Variants in ATXN7L3B observed in about 807,000 individuals in gnomAD.
ATXN7L3B encodes ataxin 7 like 3B, also known as ataxin-7-like protein 3B.
ATXN7L3B carries 4 observed loss-of-function variants against 6.3 expected under a neutral mutation model. The ratio of observed to expected loss-of-function variants is 0.63; its 90% CI spans 0.31 to 1.45. The LOEUF (loss-of-function observed/expected upper bound fraction) is 1.45, where lower values mean the gene tolerates loss of function less well. Among genes scored for constraint, ATXN7L3B ranks in the 40% most tolerant of loss-of-function variants. The probability of loss-of-function intolerance (pLI) is 0.07; values close to 1 mark genes in which losing one functional copy is unlikely to be tolerated. For synonymous variants in ATXN7L3B, 63 were observed against 48.0 expected, an observed-to-expected ratio of 1.31 and a Z score of -1.29; for missense variants, 120 against 118.5, an observed-to-expected ratio of 1.01 and a Z score of -0.06.
Position 74,542,045 on chromosome 12 carries a change from G to T in ATXN7L3B, c.*3639G>T, listed in dbSNP as rs925029033. On this transcript the variant is annotated 3_prime_UTR_variant, in exon 1 of 1. Transcript: ENST00000519948. ...ATGTGTTCTAATTTATTAAAGTTTC[G>T]TATTGGACATAATACTGAGATTAAT... The T allele has an allele frequency of 6.6e-6, 1 of 151,956 alleles. No homozygotes were observed. Among genetic ancestry groups the T allele is most frequent in the Non-Finnish European group, 1.5e-5 (1 of 68,004 alleles). The allele number at this position is 151,956 out of a possible 1,614,324, so 9.4% of individuals were successfully genotyped here. A position where few individuals can be genotyped will look rare whatever the true frequency, so the allele number is the denominator to read the frequency against.
In ATXN7L3B at chr12:74,538,246, A is replaced by C. The variant is rs1405613467; in HGVS notation, c.134A>C (p.Tyr45Ser). 6.3e-7 allele frequency: 1 copy of C among 1,597,710 alleles called. No individual in the cohort carries two copies. Among genetic ancestry groups the C allele is most frequent in the East Asian group, 2.3e-5 (1 of 44,096 alleles). ...GTGCACCGGGCAGTCAAGTGTGGCT[A>C]CTTCTACCTGGAGTTCGCAGAGACT... is the stretch of plus-strand genomic sequence containing the variant. ...FEVHRAVKCG[Y>S]FYLEFAETGS... The change falls in exon 1 of 1, where the codon TAC (tyrosine) becomes TCC (serine). Residue 45 changes from tyrosine to serine, a missense_variant. By Grantham distance (144) the Tyr-to-Ser change is moderately radical. Coordinates refer to ENST00000519948, the MANE Select transcript of ATXN7L3B (RefSeq NM_001136262.2).
chr12:74,542,110 A>G lies in ATXN7L3B; in HGVS notation c.*3704A>G, dbSNP rs1254437573. 3 of 152,320 alleles carry G rather than the reference A, an allele frequency of 2.0e-5. No homozygotes were observed. The highest frequency in any genetic ancestry group is 2.1e-4 in the South Asian group (1 of 4,828). 9.4% of individuals were successfully genotyped at this position (152,320 alleles called of 1,614,324 possible). A position where few individuals can be genotyped will look rare whatever the true frequency, so the allele number is the denominator to read the frequency against. On this transcript the variant is annotated 3_prime_UTR_variant, in exon 1 of 1. Transcript: ENST00000519948. ...TGAGTCCAGAGAAGAATCTGACTCAATAGGATACCTCAGGGAAGCTTATAG... is the reference window on the plus strand; with the variant it reads ...TGAGTCCAGAGAAGAATCTGACTCAGTAGGATACCTCAGGGAAGCTTATAG...
Position 74,541,667 on chromosome 12 carries a change from A to C in ATXN7L3B, c.*3261A>C, listed in dbSNP as rs1411124561. 1 of 152,228 alleles carries C rather than the reference A, an allele frequency of 6.6e-6. No individual in the cohort carries two copies. The highest frequency in any genetic ancestry group is 6.5e-5 in the Admixed American group (1 of 15,286). 9.4% of individuals were successfully genotyped at this position (152,228 alleles called of 1,614,324 possible). ...CCAGTGAAAGAGCCAAACCGTATAC[A>C]ATCATCCCTTTTCCATATGAGGTAA... On this transcript the variant is annotated 3_prime_UTR_variant, in exon 1 of 1. Coordinates refer to ENST00000519948, the MANE Select transcript of ATXN7L3B (RefSeq NM_001136262.2).
rs557303875 is a variant in ATXN7L3B, at chr12:74,539,798, C to G, written c.*1392C>G. On this transcript the variant is annotated 3_prime_UTR_variant, in exon 1 of 1. Transcript: ENST00000519948. The stretch of plus-strand genomic sequence containing the variant: ...ACTACCCTCCACTTTATTCCCTGAG[C>G]GAGGGTTTATGAAGTATAAAGGGGT... The G allele has an allele frequency of 6.0e-6, 1 of 167,062 alleles. No homozygotes were observed. The highest frequency in any genetic ancestry group is 1.5e-5 in the Non-Finnish European group (1 of 68,150). The allele number at this position is 167,062 out of a possible 1,614,324, so 10.3% of individuals were successfully genotyped here.
rs543096638 is a variant in ATXN7L3B at position 74,545,221 on chromosome 12, T to G, written c.*6815T>G. 9.9e-5 allele frequency: 15 copies of G among 152,208 alleles called. No individual in the cohort carries two copies. In the East Asian group the frequency reaches 2.5e-3, roughly 25 times the overall value. 9.4% of individuals were successfully genotyped at this position (152,208 alleles called of 1,614,324 possible). ...CCACCTGTTGCAGCATTATATGTAA[T>G]AGGGAAAAATTGAAAGTAATATACC... On this transcript the variant is annotated 3_prime_UTR_variant, in exon 1 of 1. Coordinates refer to ENST00000519948, the MANE Select transcript of ATXN7L3B (RefSeq NM_001136262.2).
chr12:74,538,996 A>G lies in ATXN7L3B; in HGVS notation c.*590A>G, dbSNP rs1459605327. On this transcript the variant is annotated 3_prime_UTR_variant, in exon 1 of 1. Coordinates refer to ENST00000519948, the MANE Select transcript of ATXN7L3B (RefSeq NM_001136262.2). ...GCTCTGTAGCCTTGACTCCAGCAAGAAGAAAAGGTCAAAACCACGTGTTTC... is the reference window on the plus strand; with the variant it reads ...GCTCTGTAGCCTTGACTCCAGCAAGGAGAAAAGGTCAAAACCACGTGTTTC... The G allele has an allele frequency of 1.2e-5, 2 of 168,222 alleles. No individual in the cohort carries two copies. The highest frequency in any genetic ancestry group is 1.5e-5 in the Non-Finnish European group (1 of 68,912). The allele number at this position is 168,222 out of a possible 1,614,324, so 10.4% of individuals were successfully genotyped here.
At position 74,543,110 on chromosome 12, in the gene ATXN7L3B, G is replaced by A. The variant is rs967332611; in HGVS notation, c.*4704G>A. ...TAAACTCTTGGCGGTGTTTTTGTTT[G>A]TATTTGTTTTCCCATTTTTGAAAAC... On this transcript the variant is annotated 3_prime_UTR_variant, in exon 1 of 1. Transcript: ENST00000519948. The A allele has an allele frequency of 7.2e-5, 11 of 151,908 alleles. No homozygotes were observed. Among genetic ancestry groups the A allele is most frequent in the Non-Finnish European group, 1.5e-4 (10 of 67,914 alleles). The allele number at this position is 151,908 out of a possible 1,614,324, so 9.4% of individuals were successfully genotyped here. A position where few individuals can be genotyped will look rare whatever the true frequency, so the allele number is the denominator to read the frequency against.
Position 74,538,676 on chromosome 12 carries a change from T to A in ATXN7L3B, c.*270T>A. The A allele has an allele frequency of 2.1e-6, 1 of 469,518 alleles. No individual in the cohort carries two copies. Among genetic ancestry groups the A allele is most frequent in the South Asian group, 2.3e-5 (1 of 42,614 alleles). The allele number at this position is 469,518 out of a possible 1,614,324, so 29.1% of individuals were successfully genotyped here. A position where few individuals can be genotyped will look rare whatever the true frequency, so the allele number is the denominator to read the frequency against. Reference sequence around the variant, plus strand: ...CTGTTGATCTCTAAACACACCAGGATGTGCGCAAGATCCTGTAGTGCCCCC... The same window carrying A: ...CTGTTGATCTCTAAACACACCAGGAAGTGCGCAAGATCCTGTAGTGCCCCC... On this transcript the variant is annotated 3_prime_UTR_variant, in exon 1 of 1. Coordinates refer to ENST00000519948, the MANE Select transcript of ATXN7L3B (RefSeq NM_001136262.2).
rs1048870329 is a variant in ATXN7L3B at position 74,540,995 on chromosome 12, G to A, written c.*2589G>A. 4 of 166,790 alleles carry A rather than the reference G, an allele frequency of 2.4e-5. No individual in the cohort carries two copies. Among genetic ancestry groups the A allele is most frequent in the Non-Finnish European group, 5.9e-5 (4 of 68,046 alleles). 10.3% of individuals were successfully genotyped at this position (166,790 alleles called of 1,614,324 possible). A position where few individuals can be genotyped will look rare whatever the true frequency, so the allele number is the denominator to read the frequency against. ...GGGTACATACTCCTTTCTGGGGAGA[G>A]AATGCTCCCTACCATATAGTTGACA... On this transcript the variant is annotated 3_prime_UTR_variant, in exon 1 of 1. Transcript: ENST00000519948.
Position 74,539,173 on chromosome 12 carries a change from A to G in ATXN7L3B, c.*767A>G, listed in dbSNP as rs1868813854. ...CAGACAGGTTGAGGATTCGGTTATG[A>G]TCCCCTGGGGAGGTAGCAGGGACCT... On this transcript the variant is annotated 3_prime_UTR_variant, in exon 1 of 1. Coordinates refer to ENST00000519948, the MANE Select transcript of ATXN7L3B (RefSeq NM_001136262.2). 1 of 167,130 alleles carries G rather than the reference A, an allele frequency of 6.0e-6. No homozygotes were observed. Among genetic ancestry groups the G allele is most frequent in the African/African-American group, 2.4e-5 (1 of 41,446 alleles). The allele number at this position is 167,130 out of a possible 1,614,324, so 10.4% of individuals were successfully genotyped here.
chr12:74,539,637 C>G lies in ATXN7L3B; in HGVS notation c.*1231C>G, dbSNP rs759712510. Reference sequence around the variant, plus strand: ...TGCCGCTCGAAAGGGATAGTCCTTTCCACTCGGTCCCCTTTGGATCTTCTT... The same window carrying G: ...TGCCGCTCGAAAGGGATAGTCCTTTGCACTCGGTCCCCTTTGGATCTTCTT... On this transcript the variant is annotated 3_prime_UTR_variant, in exon 1 of 1. Transcript: ENST00000519948. The G allele has an allele frequency of 1.2e-5, 2 of 167,120 alleles. No homozygotes were observed. The highest frequency in any genetic ancestry group is 4.8e-5 in the African/African-American group (2 of 41,458). The allele number at this position is 167,120 out of a possible 1,614,324, so 10.4% of individuals were successfully genotyped here. A position where few individuals can be genotyped will look rare whatever the true frequency, so the allele number is the denominator to read the frequency against.
At position 74,538,305 on chromosome 12, in the gene ATXN7L3B, G is replaced by C; in HGVS notation, c.193G>C (p.Glu65Gln). Residue 65 changes from glutamate to glutamine, a missense_variant, in exon 1 of 1, where the codon GAA (glutamate) becomes CAA (glutamine). Physicochemically the swap from Glu to Gln is conservative, Grantham distance 29. Coordinates refer to ENST00000519948, the MANE Select transcript of ATXN7L3B (RefSeq NM_001136262.2). ...GAAGGATTTTGGCATTCAGCCAGTG[G>C]AAGACAAAGGAGCGTGCCGCCTCCC... ...SVKDFGIQPV[E>Q]DKGACRLPLC... The C allele has an allele frequency of 6.4e-7, 1 of 1,556,226 alleles. No individual in the cohort carries two copies. Among genetic ancestry groups the C allele is most frequent in the Admixed American group, 1.9e-5 (1 of 51,288 alleles).
chr12:74,543,131 A>T lies in ATXN7L3B; in HGVS notation c.*4725A>T, dbSNP rs559260609. On this transcript the variant is annotated 3_prime_UTR_variant, in exon 1 of 1. Transcript: ENST00000519948. ...GTTTGTATTTGTTTTCCCATTTTTGAAAACATTTTCAATCATATTTCTTGA... is the reference window on the plus strand; with the variant it reads ...GTTTGTATTTGTTTTCCCATTTTTGTAAACATTTTCAATCATATTTCTTGA... 8 of 152,262 alleles carry T rather than the reference A, an allele frequency of 5.3e-5. No individual in the cohort carries two copies. The South Asian group carries it at 1.7e-3, about 32-fold the overall frequency. The allele number at this position is 152,262 out of a possible 1,614,324, so 9.4% of individuals were successfully genotyped here.
At position 74,545,416 on chromosome 12, in the gene ATXN7L3B, A is replaced by T. The variant is rs1263915579; in HGVS notation, c.*7010A>T. ...AAATAATTGTGAATATGAAATAAAA[A>T]CTATACCAAAAATATTGGATGAGAC... On this transcript the variant is annotated 3_prime_UTR_variant, in exon 1 of 1. Transcript: ENST00000519948. The T allele has an allele frequency of 6.6e-6, 1 of 152,138 alleles. No individual in the cohort carries two copies. The highest frequency in any genetic ancestry group is 2.4e-5 in the African/African-American group (1 of 41,470). 9.4% of individuals were successfully genotyped at this position (152,138 alleles called of 1,614,324 possible).
rs1462609221 is a variant in ATXN7L3B, at chr12:74,542,945, A to C, written c.*4539A>C. ...TCAAGTCAGCCAGAGATAATACCAG[A>C]TTTCAGAAGTTTTACTCTGCTGTGA... On this transcript the variant is annotated 3_prime_UTR_variant, in exon 1 of 1. Coordinates refer to ENST00000519948, the MANE Select transcript of ATXN7L3B (RefSeq NM_001136262.2). 1 of 152,160 alleles carries C rather than the reference A, an allele frequency of 6.6e-6. No individual in the cohort carries two copies. Among genetic ancestry groups the C allele is most frequent in the African/African-American group, 2.4e-5 (1 of 41,444 alleles). 9.4% of individuals were successfully genotyped at this position (152,160 alleles called of 1,614,324 possible).
At position 74,540,141 on chromosome 12, in the gene ATXN7L3B, C is replaced by T. The variant is rs1445644270; in HGVS notation, c.*1735C>T. The T allele has an allele frequency of 1.2e-5, 2 of 165,926 alleles. No homozygotes were observed. Among genetic ancestry groups the T allele is most frequent in the African/African-American group, 4.9e-5 (2 of 41,152 alleles). The allele number at this position is 165,926 out of a possible 1,614,324, so 10.3% of individuals were successfully genotyped here. A position where few individuals can be genotyped will look rare whatever the true frequency, so the allele number is the denominator to read the frequency against. On this transcript the variant is annotated 3_prime_UTR_variant, in exon 1 of 1. Transcript: ENST00000519948. ...TCAGAGGAGAATCTTTCTTATGGCT[C>T]CCTCTGTTGAGATTGGAATTGGAAG... is the stretch of plus-strand genomic sequence containing the variant.
Position 74,538,444 on chromosome 12 carries a change from C to T in ATXN7L3B, c.*38C>T. On this transcript the variant is annotated 3_prime_UTR_variant, in exon 1 of 1. Coordinates refer to ENST00000519948, the MANE Select transcript of ATXN7L3B (RefSeq NM_001136262.2). ...AGTCTGAAAGTGGCCAGGACAATAA[C>T]ATAGACTGGTCCTGTGGCTTCGAGG... 6.6e-7 allele frequency: 1 copy of T among 1,522,356 alleles called. No homozygotes were observed. Among genetic ancestry groups the T allele is most frequent in the South Asian group, 1.2e-5 (1 of 80,946 alleles). The allele number at this position is 1,522,356 out of a possible 1,614,324, so 94.3% of individuals were successfully genotyped here.
Position 74,541,682 on chromosome 12 carries a change from A to G in ATXN7L3B, c.*3276A>G, listed in dbSNP as rs1199043691. On this transcript the variant is annotated 3_prime_UTR_variant, in exon 1 of 1. Transcript: ENST00000519948. Reference sequence around the variant, plus strand: ...AACCGTATACAATCATCCCTTTTCCATATGAGGTAAGAAGGTGGTAAGATA... The same window carrying G: ...AACCGTATACAATCATCCCTTTTCCGTATGAGGTAAGAAGGTGGTAAGATA... The G allele has an allele frequency of 2.0e-5, 3 of 152,184 alleles. No homozygotes were observed. Among genetic ancestry groups the G allele is most frequent in the Admixed American group, 1.3e-4 (2 of 15,274 alleles). 9.4% of individuals were successfully genotyped at this position (152,184 alleles called of 1,614,324 possible).
chr12:74,538,044 C>CCGCGGAGCCAGA lies in ATXN7L3B; in HGVS notation c.-66_-55dup. ...AAAGGCCTCTAGGCCTAGGCGCGGC[C>CCGCGGAGCCAGA]CGCGGAGCCAGACGTGTTGCTGCCG... On this transcript the variant is annotated 5_prime_UTR_variant, in exon 1 of 1. Coordinates refer to ENST00000519948, the MANE Select transcript of ATXN7L3B (RefSeq NM_001136262.2). 1 of 1,486,044 alleles carries CCGCGGAGCCAGA rather than the reference C, an allele frequency of 6.7e-7. No homozygotes were observed. Among genetic ancestry groups the CCGCGGAGCCAGA allele is most frequent in the Non-Finnish European group, 9.1e-7 (1 of 1,102,532 alleles). The allele number at this position is 1,486,044 out of a possible 1,614,324, so 92.1% of individuals were successfully genotyped here.
Sources: allele counts gnomAD v4.1 joint callset, GRCh38; gene constraint gnomAD v4.1.1; transcripts MANE v1.5; gene names NCBI Gene and HGNC (gene_info 2026-07-23, HGNC 2026-07-21).